PLB1: variants seen among roughly 807,000 people sequenced by gnomAD.
PLB1 encodes the protein phospholipase B1.
PLB1 carries 242 observed loss-of-function variants against 227.4 expected under a neutral mutation model. That is an observed-to-expected ratio of 1.06 (90% CI 0.96 to 1.18). The LOEUF is 1.18. Among genes scored for constraint, PLB1 ranks in the 50% most tolerant of loss-of-function variants. The pLI is 0.00. For missense variants in PLB1, 1,858 were observed against 1,816.3 expected (o/e 1.02, Z -0.42); for synonymous variants, 757 against 682.2 (o/e 1.11, Z -1.71).
intron 1 of PLB1, among the ~76,000 whole-genome samples, chr2:28,505,889 C>G (rs1463668698): frequency 6.6e-6 from 1 of 152,178 alleles, no homozygotes; most frequent in Non-Finnish European, 1.5e-5. Flanking sequence ...GTGTTAGACT[C>G]TACATCCCAA....
intron 33 of PLB1, among the ~76,000 whole-genome samples, chr2:28,596,935 C>T (rs1683021207): frequency 6.6e-6 from 1 of 152,208 alleles, no homozygotes; most frequent in Non-Finnish European, 1.5e-5. Context: ...GAAGTCTTTG[C>T]TGGTGGGCTG....
In PLB1 at chr2:28,563,045, T is replaced by G. The variant is rs1572990089; in HGVS notation, c.1152T>G (p.His384Gln). Residue 384 changes from histidine to glutamine, a missense_variant, in exon 18 of 58, where the codon CAT (histidine) becomes CAG (glutamine). His to Gln is a conservative substitution (Grantham distance 24). Coordinates refer to ENST00000327757, the MANE Select transcript of PLB1 (RefSeq NM_153021.5). The part of the protein sequence containing the change: ...DPSDTVPTSV[H>Q]RLKPADINVI... ...CACTCCTGCTTATATTCTTAGTTCATAGGCTGAAGCCGGCTGACATCAACG... is the reference window on the plus strand; with the variant it reads ...CACTCCTGCTTATATTCTTAGTTCAGAGGCTGAAGCCGGCTGACATCAACG... 2 of 1,613,456 alleles carry G rather than the reference T, an allele frequency of 1.2e-6. No homozygotes were observed. The highest frequency in any genetic ancestry group is 8.5e-7 in the Non-Finnish European group (1 of 1,179,520).
At chr2:28,548,091 G>A (rs1423023813) in intron 14 of PLB1, among the ~76,000 whole-genome samples, 9 of 151,994 alleles carry the variant, frequency 5.9e-5, no homozygotes, top group Admixed American at 5.9e-4. Flanking sequence ...GTTTGTGAGT[G>A]TTGGCTGTGC....
intron 23 of PLB1, 109 bp from the exon 24 acceptor site, chr2:28,581,959 T>C: frequency 9.6e-7 from 1 of 1,044,168 alleles, no homozygotes; most frequent in Non-Finnish European, 1.4e-6. Context: ...AGATCCTATC[T>C]CAAAAAAAGA....
intron 6 of PLB1, among the ~76,000 whole-genome samples, chr2:28,527,484 C>G (rs954077274): frequency 1.3e-5 from 2 of 152,242 alleles, no homozygotes; most frequent in African/African-American, 4.8e-5. Context: ...ATGGGGCTGG[C>G]TCAGGCTCAG....
Position 28,604,760 on chromosome 2 carries a change from G to T in PLB1, c.2961+1G>T, listed in dbSNP as rs1684422513. 6.2e-7 allele frequency: 1 copy of T among 1,613,376 alleles called. No individual in the cohort carries two copies. Among genetic ancestry groups the T allele is most frequent in the Non-Finnish European group, 8.5e-7 (1 of 1,179,514 alleles). ...GAACATCCAGCTCCCTGTCCTGGCG[G>T]TATGTCCCCTGCCCTCACCCATGGT... On this transcript the variant is annotated splice_donor_variant, in intron 41 of 57. Coordinates refer to ENST00000327757, the MANE Select transcript of PLB1 (RefSeq NM_153021.5). LOFTEE classifies it high-confidence loss of function.
chr2:28,554,424 C>T (rs1427090858), intron 17 of PLB1, among the ~76,000 whole-genome samples: 1 of 148,704 alleles, frequency 6.7e-6, no homozygotes, highest in Non-Finnish European at 1.5e-5. Context: ...ACCTCCTGGG[C>T]TCAAGTGATC....
At chr2:28,580,005 G>A (rs1679654093) in intron 23 of PLB1, among the ~76,000 whole-genome samples, 2 of 152,214 alleles carry the variant, frequency 1.3e-5, no homozygotes, top group African/African-American at 4.8e-5. Context: ...TCTTTCCCAT[G>A]TTCACAGAGA....
At chr2:28,586,088 G>A (rs779842938) in intron 26 of PLB1, among the ~76,000 whole-genome samples, 14 of 152,140 alleles carry the variant, frequency 9.2e-5, no homozygotes, top group Admixed American at 5.9e-4. Flanking sequence ...TAAATGAAAC[G>A]AACGTTTCCA....
chr2:28,586,909 G>A (rs763487861), intron 26 of PLB1, among the ~76,000 whole-genome samples: 10 of 152,100 alleles, frequency 6.6e-5, no homozygotes, highest in South Asian at 2.1e-4. Flanking sequence ...CACCACACCC[G>A]GCTACTTTTT....
chr2:28,566,631 T>C (rs1227441779), intron 19 of PLB1, 165 bp from the exon 20 acceptor site: 2 of 676,430 alleles, frequency 3.0e-6, no homozygotes, highest in East Asian at 5.5e-5. Context: ...GGGAGTCGTA[T>C]TCTGGTTTGC....
intron 43 of PLB1, among the ~76,000 whole-genome samples, chr2:28,612,769 A>ATTTTTTTTT (rs10557060): frequency 8.0e-5 from 10 of 124,908 alleles, no homozygotes; most frequent in African/African-American, 2.5e-4. Context: ...CCACACCTGG[A>ATTTTTTTTT]TTTTTTTTTT....
At chr2:28,575,714 G>C (rs1266945634) in intron 21 of PLB1, among the ~76,000 whole-genome samples, 1 of 152,100 alleles carries the variant, frequency 6.6e-6, no homozygotes, top group Non-Finnish European at 1.5e-5. Flanking sequence ...GGGACTATGA[G>C]TGCATTTTCT....
chr2:28,568,951 T>C (rs147257953), intron 20 of PLB1, among the ~76,000 whole-genome samples: 1 of 152,186 alleles, frequency 6.6e-6, no homozygotes, highest in African/African-American at 2.4e-5. Context: ...AGCTGCCACC[T>C]CCTAGGACAA....
At chr2:28,622,650 G>A (rs1381851163) in intron 49 of PLB1, among the ~76,000 whole-genome samples, 3 of 152,174 alleles carry the variant, frequency 2.0e-5, no homozygotes, top group Non-Finnish European at 4.4e-5. Flanking sequence ...GCACATTGAG[G>A]GCCGAGGTAG....
chr2:28,589,592 A>G, intron 27 of PLB1, 38 bp downstream of exon 27: 1 of 1,610,666 alleles, frequency 6.2e-7, no homozygotes, highest in South Asian at 1.1e-5. Context: ...TAGAATCCAC[A>G]GATAGTGTGT....
chr2:28,610,418 T>A (rs553098252), intron 43 of PLB1, among the ~76,000 whole-genome samples: 2 of 152,234 alleles, frequency 1.3e-5, no homozygotes, highest in East Asian at 3.9e-4. Context: ...CCCAAAGTGC[T>A]GGGATTACAT....
At chr2:28,613,422 G>GCTTCCTT (rs1252467584) in intron 43 of PLB1, among the ~76,000 whole-genome samples, 1 of 152,084 alleles carries the variant, frequency 6.6e-6, no homozygotes, top group African/African-American at 2.4e-5. Flanking sequence ...TTCTTTGTCT[G>GCTTCCTT]CTTCCTTCTT....
At chr2:28,548,165 A>G (rs1488143067) in intron 14 of PLB1, among the ~76,000 whole-genome samples, 2 of 152,104 alleles carry the variant, frequency 1.3e-5, no homozygotes, top group Non-Finnish European at 2.9e-5. Flanking sequence ...AGGCCCCATA[A>G]CTTGCTTCAC....
Sources: gnomAD v4.1 joint callset for allele counts (sites outside exome capture counted in the v4.1 genomes callset) on GRCh38, gnomAD v4.1.1 for gene constraint, MANE v1.5 for transcripts, NCBI Gene and HGNC (gene_info 2026-07-23, HGNC 2026-07-21) for gene names.